Variants in CSMD1 observed in about 807,000 individuals in gnomAD.
CSMD1 encodes CUB and Sushi multiple domains 1.
CSMD1 carries 213 observed loss-of-function variants against 417.5 expected under a neutral mutation model. The observed-to-expected ratio is 0.51, with a 90% confidence interval of 0.46 to 0.57. CSMD1 has a LOEUF of 0.57. CSMD1 is among the 20% of genes least tolerant of loss of function. CSMD1 has a pLI of 0.00. For synonymous variants in CSMD1, 2,862 were observed against 1,736.8 expected (o/e 1.65, Z -16.11); for missense variants, 6,923 against 4,529.7 (o/e 1.53, Z -15.17).
Position 3,577,121 on chromosome 8 carries a change from G to C in CSMD1, c.1223-2055C>G, listed in dbSNP as rs1800182225. 2.0e-5 allele frequency among the ~76,000 whole-genome samples: 3 copies of C among 152,276 alleles called. No homozygotes were observed. The South Asian group carries it at 6.2e-4, about 32-fold the overall frequency. On this transcript the variant is annotated intron_variant, in intron 9 of 69. Transcript: ENST00000635120. ...TCATTGGCCCAGATGTTCCCAGCCG[G>C]AAAGATCCCTAAAGCTGGCCCCGCC...
At chr8:4,985,420 C>A (rs945956052) in intron 1 of CSMD1, among the ~76,000 whole-genome samples, 1 of 152,082 alleles carries the variant, frequency 6.6e-6, no homozygotes, top group African/African-American at 2.4e-5. Context: ...AGGGCCCATG[C>A]GTTACAGTTA....
intron 3 of CSMD1, among the ~76,000 whole-genome samples, chr8:4,065,129 G>C (rs1365274): frequency 0.45 from 68,161 of 152,038 alleles, 16,024 homozygotes; most frequent in Non-Finnish European, 0.49. Context: ...TATGTTTTTA[G>C]AGTTTTTTAA....
At chr8:3,046,884 G>A (rs1811480731) in intron 50 of CSMD1, among the ~76,000 whole-genome samples, 1 of 152,042 alleles carries the variant, frequency 6.6e-6, no homozygotes, top group Non-Finnish European at 1.5e-5. Context: ...TATTCTAATT[G>A]AATCACGTAG....
At position 4,344,450 on chromosome 8, in the gene CSMD1, G is replaced by C. The variant is rs1311633736; in HGVS notation, c.415+75503C>G. On this transcript the variant is annotated intron_variant, in intron 3 of 69. Coordinates refer to ENST00000635120, the MANE Select transcript of CSMD1 (RefSeq NM_033225.6). ...ATATTTTAAAACTGAACTGCTCAAA[G>C]ATGCATTCTTTTACAAATGTCTACC... Among the ~76,000 whole-genome samples, 6 of 151,884 alleles carry C rather than the reference G, an allele frequency of 4.0e-5. No individual in the cohort carries two copies. In the East Asian group the frequency reaches 7.7e-4, roughly 20 times the overall value.
At chr8:4,171,197 G>A (rs1340206711) in intron 3 of CSMD1, among the ~76,000 whole-genome samples, 1 of 151,740 alleles carries the variant, frequency 6.6e-6, no homozygotes, top group Non-Finnish European at 1.5e-5. Flanking sequence ...CACCATCACA[G>A]ACCTGTGTGA....
intron 51 of CSMD1, among the ~76,000 whole-genome samples, chr8:3,021,996 T>C (rs1270066783): frequency 6.8e-6 from 1 of 146,904 alleles, no homozygotes; most frequent in Non-Finnish European, 1.5e-5. Flanking sequence ...GCATCAGGAA[T>C]GCACCTGCAA....
chr8:3,901,990 T>A (rs2129134054), intron 5 of CSMD1, among the ~76,000 whole-genome samples: 1 of 152,342 alleles, frequency 6.6e-6, no homozygotes, highest in South Asian at 2.1e-4. Flanking sequence ...TTTCTCTTAT[T>A]CTTTCCCTCC....
chr8:3,266,688 C>G (rs1232785646), intron 26 of CSMD1, among the ~76,000 whole-genome samples: 4 of 145,036 alleles, frequency 2.8e-5, no homozygotes, highest in Non-Finnish European at 6.0e-5. Context: ...GGCAGGAGAA[C>G]CGCTTGAACC....
chr8:3,967,991 C>T (rs1011435562), intron 5 of CSMD1, among the ~76,000 whole-genome samples: 1 of 132,688 alleles, frequency 7.5e-6, no homozygotes, highest in African/African-American at 3.1e-5. Flanking sequence ...CACGGTGAAA[C>T]CCCGTCACTG....
At chr8:4,201,687 T>G (rs919485552) in intron 3 of CSMD1, among the ~76,000 whole-genome samples, 1 of 152,020 alleles carries the variant, frequency 6.6e-6, no homozygotes, top group East Asian at 1.9e-4. Context: ...TCAAGTGTTA[T>G]ACCTATGTGA....
At chr8:4,282,027 G>C (rs536644183) in intron 3 of CSMD1, among the ~76,000 whole-genome samples, 1 of 152,204 alleles carries the variant, frequency 6.6e-6, no homozygotes, top group Non-Finnish European at 1.5e-5. Context: ...GATGTGATTA[G>C]CCTTTGTTAT....
At chr8:4,391,446 A>G (rs1249250074) in intron 3 of CSMD1, among the ~76,000 whole-genome samples, 1 of 152,242 alleles carries the variant, frequency 6.6e-6, no homozygotes, top group Admixed American at 6.5e-5. Flanking sequence ...GAACATAAAC[A>G]GCTAATTATC....
chr8:4,284,160 G>T (rs930596442), intron 3 of CSMD1, among the ~76,000 whole-genome samples: 1 of 152,090 alleles, frequency 6.6e-6, no homozygotes, highest in African/African-American at 2.4e-5. Flanking sequence ...CTGAGGTCAG[G>T]AGTTCCAGAC....
At chr8:4,797,997 C>A (rs569571752) in intron 1 of CSMD1, among the ~76,000 whole-genome samples, 9 of 152,298 alleles carry the variant, frequency 5.9e-5, no homozygotes, top group Admixed American at 4.6e-4. Flanking sequence ...ATTATTCCAG[C>A]CAAAATCTCG....
chr8:3,084,840 G>C lies in CSMD1; in HGVS notation c.7474+2257C>G, dbSNP rs1177875718. Among the ~76,000 whole-genome samples, 4 of 151,804 alleles carry C rather than the reference G, an allele frequency of 2.6e-5. No homozygotes were observed. In the East Asian group the frequency reaches 5.8e-4, roughly 22 times the overall value. Reference sequence around the variant, plus strand: ...ATTTTGTCTTTAAAATGATAAAAATGCTGATTTAATTGTACCACACAACTT... The same window carrying C: ...ATTTTGTCTTTAAAATGATAAAAATCCTGATTTAATTGTACCACACAACTT... On this transcript the variant is annotated intron_variant, in intron 49 of 69. Transcript: ENST00000635120.
intron 52 of CSMD1, among the ~76,000 whole-genome samples, chr8:3,009,252 A>C (rs1808199849): frequency 6.6e-6 from 1 of 152,212 alleles, no homozygotes; most frequent in Non-Finnish European, 1.5e-5. Context: ...CAAATACTAA[A>C]TATTGGTCCG....
intron 7 of CSMD1, among the ~76,000 whole-genome samples, chr8:3,696,167 G>C (rs180898974): frequency 6.6e-6 from 1 of 152,086 alleles, no homozygotes; most frequent in South Asian, 2.1e-4. Context: ...TATCTTCTTC[G>C]GATGTCACAT....
intron 1 of CSMD1, among the ~76,000 whole-genome samples, chr8:4,726,473 T>A (rs1585005046): frequency 6.6e-6 from 1 of 152,090 alleles, no homozygotes; most frequent in East Asian, 1.9e-4. Flanking sequence ...TCTGCTTCAC[T>A]TTTTTTTACT....
intron 2 of CSMD1, among the ~76,000 whole-genome samples, chr8:4,617,500 G>A (rs967202554): frequency 6.6e-6 from 1 of 152,140 alleles, no homozygotes; most frequent in Admixed American, 6.5e-5. Context: ...TAAATCACCT[G>A]TCAACTAGAC....
Sources: allele counts gnomAD v4.1 joint callset (sites outside exome capture counted in the v4.1 genomes callset), GRCh38; gene constraint gnomAD v4.1.1; transcripts MANE v1.5; gene names NCBI Gene and HGNC (gene_info 2026-07-23, HGNC 2026-07-21).